Variants in TASOR2 observed in about 807,000 individuals in gnomAD.
TASOR2 encodes transcription activation suppressor family member 2.
Under a neutral mutation model 199.5 loss-of-function variants are expected in TASOR2, and 84 were observed. The ratio of observed to expected loss-of-function variants is 0.42; its 90% CI spans 0.35 to 0.50. The LOEUF (loss-of-function observed/expected upper bound fraction) is 0.50, where lower values mean the gene tolerates loss of function less well. TASOR2 is among the 20% of genes least tolerant of loss of function. TASOR2 has a pLI of 0.02. For synonymous variants in TASOR2, 1,103 were observed against 1,046.6 expected, an observed-to-expected ratio of 1.05 and a Z score of -1.04; for missense variants, 2,796 against 2,835.9, an observed-to-expected ratio of 0.99 and a Z score of 0.32.
intron 8 of TASOR2, among the ~76,000 whole-genome samples, chr10:5,725,889 C>G (rs1329091473): frequency 1.3e-5 from 2 of 152,082 alleles, no homozygotes; most frequent in Non-Finnish European, 2.9e-5. Context: ...CATAGGGGCT[C>G]TCATAGAATC....
Position 5,685,244 on chromosome 10 carries a change from G to C in TASOR2, c.-288+69G>C. 2.5e-6 allele frequency: 1 copy of C among 397,242 alleles called. No homozygotes were observed. The allele number at this position is 397,242 out of a possible 1,614,324, so 24.6% of individuals were successfully genotyped here. On this transcript the variant is annotated intron_variant, in intron 1 of 20. Transcript: ENST00000328090. The surrounding 1 kb of genome is among the most constrained non-coding windows in gnomAD (Gnocchi z 5.4). ...GGACGGCGGGTCCCCGAGGCCGAGC[G>C]CTCGGGCAGCTGCCGGGGCTTGGCT...
rs1212794744 is a variant in TASOR2, at chr10:5,701,980, A to G, written c.-287-10843A>G. The stretch of plus-strand genomic sequence containing the variant: ...CTCTTGCCTAATTGCTCTGCCCAGT[A>G]CTTCCAGTACTATATTGAATAAAAG... On this transcript the variant is annotated intron_variant, in intron 1 of 20. Transcript: ENST00000328090. The surrounding 1 kb of genome is among the most constrained non-coding windows in gnomAD (Gnocchi z 4.9). Among the ~76,000 whole-genome samples the G allele has an allele frequency of 6.6e-6, 1 of 152,134 alleles. No individual in the cohort carries two copies. The highest frequency in any genetic ancestry group is 1.5e-5 in the Non-Finnish European group (1 of 68,006).
At position 5,719,155 on chromosome 10, in the gene TASOR2, T is replaced by G. The variant is rs1833038878; in HGVS notation, c.-99-1389T>G. Reference sequence around the variant, plus strand: ...GGACTTAAACAACAACAAAACATCTTCTTTTTTAAAAAGTAACTATATTCT... The same window carrying G: ...GGACTTAAACAACAACAAAACATCTGCTTTTTTAAAAAGTAACTATATTCT... On this transcript the variant is annotated intron_variant, in intron 3 of 20. Transcript: ENST00000328090. This position sits in a 1 kb window ranked among gnomAD's most constrained non-coding sequence, Gnocchi z 4.1. 6.6e-6 allele frequency among the ~76,000 whole-genome samples: 1 copy of G among 151,682 alleles called. No homozygotes were observed. The highest frequency in any genetic ancestry group is 2.4e-5 in the African/African-American group (1 of 41,276).
chr10:5,735,578 C>A (rs762057538), intron 12 of TASOR2, 32 bp downstream of exon 13: 13 of 1,601,592 alleles, frequency 8.1e-6, no homozygotes, highest in African/African-American at 5.4e-5. Flanking sequence ...AATTTAAACA[C>A]CCCAATACAG....
At chr10:5,703,968 A>T (rs566406974) in intron 1 of TASOR2, among the ~76,000 whole-genome samples, 188 of 151,680 alleles carry the variant, frequency 1.2e-3, no homozygotes, top group African/African-American at 4.4e-3. Context: ...CACACCTGTA[A>T]TCCCAGCACT....
chr10:5,698,719 C>A lies in TASOR2; in HGVS notation c.-288+13544C>A, dbSNP rs1202061347. Among the ~76,000 whole-genome samples, 1 of 152,040 alleles carries A rather than the reference C, an allele frequency of 6.6e-6. No individual in the cohort carries two copies. Among genetic ancestry groups the A allele is most frequent in the African/African-American group, 2.4e-5 (1 of 41,392 alleles). On this transcript the variant is annotated intron_variant, in intron 1 of 20. Transcript: ENST00000328090. This position sits in a 1 kb window ranked among gnomAD's most constrained non-coding sequence, Gnocchi z 4.4. ...ACCCTTTATGAAAAAGTTTGCTGAC[C>A]TTTTGAAGTAGATGGAAAATGTGAC...
intron 8 of TASOR2, among the ~76,000 whole-genome samples, chr10:5,724,752 A>G (rs1466250543): frequency 6.6e-6 from 1 of 150,976 alleles, no homozygotes; most frequent in African/African-American, 2.4e-5. Context: ...TATTAATGTA[A>G]TACAGTATCT....
At position 5,750,189 on chromosome 10, in the gene TASOR2, A is replaced by G. The variant is rs3750636; in HGVS notation, c.6606+162A>G. On this transcript the variant is annotated intron_variant, in intron 15 of 20. Transcript: ENST00000328090. The surrounding 1 kb of genome is among the most constrained non-coding windows in gnomAD (Gnocchi z 5.4). ...TGCATACTAAATGTTTTCCTGCAGG[A>G]TCTGCCATTTGTACTATATTTGAAA... Among the ~76,000 whole-genome samples, 6,844 of 152,328 alleles carry G rather than the reference A, an allele frequency of 0.045. 690 individuals are homozygous for G. Among genetic ancestry groups the G allele is most frequent in the East Asian group, 0.44 (2,266 of 5,184 alleles).
intron 2 of TASOR2, 73 bp downstream of exon 3, chr10:5,714,280 T>C: frequency 1.1e-6 from 1 of 912,814 alleles, no homozygotes. Flanking sequence ...TTCATTAGTT[T>C]TATAAGATAT....
intron 19 of TASOR2, 130 bp downstream of exon 20, chr10:5,761,601 CA>C: frequency 2.7e-6 from 2 of 740,734 alleles, no homozygotes; most frequent in Non-Finnish European, 4.5e-6. Context: ...CAGAATCACC[CA>C]AATCTGCTGA....
At chr10:5,745,188 C>T (rs1837009323) in intron 14 of TASOR2, among the ~76,000 whole-genome samples, 1 of 152,126 alleles carries the variant, frequency 6.6e-6, no homozygotes, top group Admixed American at 6.5e-5. Flanking sequence ...TAATGTTTAA[C>T]CTAAATCCTG....
intron 1 of TASOR2, among the ~76,000 whole-genome samples, chr10:5,688,413 T>C (rs1836036631): frequency 6.9e-6 from 1 of 144,138 alleles, no homozygotes; most frequent in Admixed American, 6.9e-5. Flanking sequence ...TTTTTTTTTT[T>C]TTTTTTTGTA....
intron 1 of TASOR2, among the ~76,000 whole-genome samples, chr10:5,688,750 T>C (rs1836083468): frequency 6.6e-6 from 1 of 152,058 alleles, no homozygotes; most frequent in South Asian, 2.1e-4. Flanking sequence ...CTCATGCGTG[T>C]GATGCTAGCA....
chr10:5,741,950 A>G lies in TASOR2; in HGVS notation c.2328-147A>G, dbSNP rs576495805. ...GATAATTATTTGTTAAGTCAACTAC[A>G]TATTTACTCATTCATGTTTCATATC... On this transcript the variant is annotated intron_variant, in intron 13 of 20. Transcript: ENST00000328090. The G allele has an allele frequency of 3.9e-5, 27 of 690,714 alleles. 1 individual carries two copies. The South Asian group carries it at 4.6e-4, about 12-fold the overall frequency. The allele number at this position is 690,714 out of a possible 1,614,324, so 42.8% of individuals were successfully genotyped here.
At chr10:5,753,425 C>T (rs963300825) in intron 15 of TASOR2, among the ~76,000 whole-genome samples, 9 of 152,284 alleles carry the variant, frequency 5.9e-5, no homozygotes, top group South Asian at 2.1e-4. Flanking sequence ...TGCAGTGGCG[C>T]GATCTCGGCT....
rs1837917120 is a variant in TASOR2, at chr10:5,750,724, GCA to G, written c.6606+704_6606+705del. ...TTTCTGAACCATTTGCAAATGTGTT[GCA>G]CACACAGTGTCCCATTACCTCTTGA... On this transcript the variant is annotated intron_variant, in intron 15 of 20. Transcript: ENST00000328090. This position sits in a 1 kb window ranked among gnomAD's most constrained non-coding sequence, Gnocchi z 5.4. Among the ~76,000 whole-genome samples, 2 of 152,100 alleles carry G rather than the reference GCA, an allele frequency of 1.3e-5. No individual in the cohort carries two copies. The highest frequency in any genetic ancestry group is 2.4e-5 in the African/African-American group (1 of 41,386).
rs566193015 is a variant in TASOR2 at position 5,759,092 on chromosome 10, C to T, written c.6992+100C>T. On this transcript the variant is annotated intron_variant, in intron 18 of 20. Transcript: ENST00000328090. ...CTAGCCTAGTGCTGCAGTGGAATGGCCTTCATCAGTAAAGAGCATGAGGGC... is the reference window on the plus strand; with the variant it reads ...CTAGCCTAGTGCTGCAGTGGAATGGTCTTCATCAGTAAAGAGCATGAGGGC... 6.5e-5 allele frequency: 51 copies of T among 781,366 alleles called. No individual in the cohort carries two copies. In the African/African-American group the frequency reaches 8.7e-4, roughly 13 times the overall value. The allele number at this position is 781,366 out of a possible 1,614,324, so 48.4% of individuals were successfully genotyped here.
chr10:5,724,098 T>C (rs756416870), intron 7 of TASOR2, among the ~76,000 whole-genome samples: 5 of 152,338 alleles, frequency 3.3e-5, no homozygotes, highest in African/African-American at 1.2e-4. Flanking sequence ...GTTTTATTTA[T>C]AGAGGTACTT....
Position 5,742,377 on chromosome 10 carries a change from G to T in TASOR2, c.2608G>T (p.Asp870Tyr). 1 of 1,614,100 alleles carries T rather than the reference G, an allele frequency of 6.2e-7. No homozygotes were observed. The highest frequency in any genetic ancestry group is 8.5e-7 in the Non-Finnish European group (1 of 1,180,020). Residue 870 changes from aspartate (D) to tyrosine (Y), a missense_variant, in exon 14 of 21, where the codon GAT (aspartate) becomes TAT (tyrosine). Transcript: ENST00000328090. The surrounding 1 kb of genome is among the most constrained non-coding windows in gnomAD (Gnocchi z 4.2). ...TCATGCTGCTGAAGTATCCTTCCGT[G>T]ATCCTAACTGCTTGCTTCCTTTCAT... is the stretch of plus-strand genomic sequence containing the variant.
Sources: allele counts gnomAD v4.1 joint callset (sites outside exome capture counted in the v4.1 genomes callset), GRCh38; gene constraint gnomAD v4.1.1; non-coding constraint Gnocchi (gnomAD v3.1); transcripts MANE v1.5; gene names NCBI Gene and HGNC (gene_info 2026-07-23, HGNC 2026-07-21).